CHD7: variants seen among roughly 807,000 people sequenced by gnomAD.
The protein encoded by CHD7 is ATP-dependent chromatin remodeler CHD7.
A neutral mutation model predicts 307.3 loss-of-function variants in CHD7; 24 were observed. The ratio of observed to expected loss-of-function variants is 0.08; its 90% CI spans 0.06 to 0.11. CHD7 has a LOEUF of 0.11. CHD7 is among the 10% of genes least tolerant of loss of function. CHD7 has a pLI of 1.00. For synonymous variants in CHD7, 1,363 were observed against 1,349.9 expected (o/e 1.01, Z -0.21); for missense variants, 3,106 against 3,727.1 (o/e 0.83, Z 4.34).
chr8:60,696,195 T>C (rs1341407633), intron 1 of CHD7, among the ~76,000 whole-genome samples: 1 of 152,252 alleles, frequency 6.6e-6, no homozygotes, highest in Non-Finnish European at 1.5e-5. Flanking sequence ...TACTTTTTAA[T>C]TTTTTAAATA....
At chr8:60,701,511 A>T (rs1350059853) in intron 1 of CHD7, among the ~76,000 whole-genome samples, 2 of 152,236 alleles carry the variant, frequency 1.3e-5, no homozygotes, top group Non-Finnish European at 2.9e-5. Flanking sequence ...CCTGAAGATT[A>T]ATTGTGGCCT....
chr8:60,856,777 T>G lies in CHD7; in HGVS notation c.7497T>G (p.Asn2499Lys). ...GCACACCCACAAGGCATCTCCTTAA[T>G]GGCTCCCTAGTGGATGGAGAGCCTC... ...LSRTPTRHLL[N>K]GSLVDGEPPM... The change falls in exon 34 of 38, where the codon AAT (asparagine) becomes AAG (lysine). Residue 2499 changes from asparagine to lysine, a missense_variant. By Grantham distance (94) the Asn-to-Lys change is moderately conservative. Coordinates refer to ENST00000423902, the MANE Select transcript of CHD7 (RefSeq NM_017780.4). 1 of 1,613,766 alleles carries G rather than the reference T, an allele frequency of 6.2e-7. No individual in the cohort carries two copies. Among genetic ancestry groups the G allele is most frequent in the Non-Finnish European group, 8.5e-7 (1 of 1,179,758 alleles).
chr8:60,793,495 A>G (rs1811873776), intron 3 of CHD7, among the ~76,000 whole-genome samples: 1 of 152,196 alleles, frequency 6.6e-6, no homozygotes, highest in Non-Finnish European at 1.5e-5. Context: ...TTGAAAAAAT[A>G]CATTTTAGGT....
intron 21 of CHD7, among the ~76,000 whole-genome samples, chr8:60,842,736 G>A (rs1805028130): frequency 6.6e-6 from 1 of 152,142 alleles, no homozygotes; most frequent in Non-Finnish European, 1.5e-5. Context: ...CAGATCTGAT[G>A]ACGTCCTGTC....
At position 60,867,150 on chromosome 8, in the gene CHD7, C is replaced by G. The variant is rs963926594; in HGVS notation, c.*1217C>G. 3.3e-5 allele frequency: 5 copies of G among 152,156 alleles called. No homozygotes were observed. The highest frequency in any genetic ancestry group is 1.3e-4 in the Admixed American group (2 of 15,278). The allele number at this position is 152,156 out of a possible 1,614,324, so 9.4% of individuals were successfully genotyped here. ...TGCATACAAAAAGCTCCTATTACTC[C>G]CTCAAAAGGGCATCTGAGACCGAGA... is the stretch of plus-strand genomic sequence containing the variant. On this transcript the variant is annotated 3_prime_UTR_variant, in exon 38 of 38. Coordinates refer to ENST00000423902, the MANE Select transcript of CHD7 (RefSeq NM_017780.4).
chr8:60,833,932 G>A (rs1367951214), intron 15 of CHD7, among the ~76,000 whole-genome samples: 1 of 152,176 alleles, frequency 6.6e-6, no homozygotes, highest in African/African-American at 2.4e-5. Flanking sequence ...TATAGGAAAG[G>A]TGTTTGCTGA....
intron 1 of CHD7, among the ~76,000 whole-genome samples, chr8:60,728,081 C>T (rs1393816248): frequency 6.6e-6 from 1 of 152,230 alleles, no homozygotes; most frequent in Admixed American, 6.5e-5. Context: ...CTTTCTCTTC[C>T]AGTCTGTGCT....
intron 1 of CHD7, among the ~76,000 whole-genome samples, chr8:60,697,705 A>G (rs1276338746): frequency 2.0e-5 from 3 of 152,268 alleles, no homozygotes; most frequent in African/African-American, 7.2e-5. Flanking sequence ...CTCAGTTTGC[A>G]GTCACCTGTA....
At chr8:60,711,491 A>G (rs1347712466) in intron 1 of CHD7, among the ~76,000 whole-genome samples, 3 of 152,212 alleles carry the variant, frequency 2.0e-5, no homozygotes, top group Non-Finnish European at 4.4e-5. Flanking sequence ...AATTCAAATA[A>G]TAATTAATAT....
chr8:60,739,055 A>G (rs730085), intron 1 of CHD7, among the ~76,000 whole-genome samples: 115,591 of 152,032 alleles, frequency 0.76, 44,340 homozygotes, highest in East Asian at 0.94. Context: ...GCTTGATCTG[A>G]CTCTGCCTCT....
chr8:60,699,179 C>G (rs905386233), intron 1 of CHD7, among the ~76,000 whole-genome samples: 4 of 152,166 alleles, frequency 2.6e-5, no homozygotes, highest in African/African-American at 9.7e-5. Context: ...TGGCAACTAC[C>G]TATAGAACAT....
rs770139962 is a variant in CHD7, at chr8:60,741,491, G to A, written c.59G>A (p.Gly20Asp). ...FGEDGNIFSEGLEGLGECGYP... is the reference protein window; with the variant it reads ...FGEDGNIFSEDLEGLGECGYP... ...GAGGATGGGAATATTTTCAGTGAAGGTCTTGAAGGCCTCGGAGAATGTGGT... is the reference window on the plus strand; with the variant it reads ...GAGGATGGGAATATTTTCAGTGAAGATCTTGAAGGCCTCGGAGAATGTGGT... Residue 20 changes from glycine (G) to aspartate (D), a missense_variant, in exon 2 of 38, where the codon GGT becomes GAT. By Grantham distance (94) the Gly-to-Asp change is moderately conservative (BLOSUM62 -1). This residue lies in a region of CHD7 where 998 missense variants were observed against 1,004.5 expected (regional missense o/e 0.99). Transcript: ENST00000423902. 2 of 1,612,634 alleles carry A rather than the reference G, an allele frequency of 1.2e-6. No individual in the cohort carries two copies. The highest frequency in any genetic ancestry group is 8.5e-7 in the Non-Finnish European group (1 of 1,179,288).
chr8:60,722,480 A>G (rs969764613), intron 1 of CHD7, among the ~76,000 whole-genome samples: 3 of 152,214 alleles, frequency 2.0e-5, no homozygotes, highest in Admixed American at 1.3e-4. Flanking sequence ...TAAGGTTGCA[A>G]ATCATTTAGA....
chr8:60,759,607 G>A (rs528118697), intron 2 of CHD7, among the ~76,000 whole-genome samples: 2 of 152,032 alleles, frequency 1.3e-5, no homozygotes, highest in South Asian at 2.1e-4. Context: ...CTGGTACTCC[G>A]TAATTGAGAG....
At chr8:60,751,782 T>G (rs928797842) in intron 2 of CHD7, among the ~76,000 whole-genome samples, 7 of 152,222 alleles carry the variant, frequency 4.6e-5, no homozygotes, top group Non-Finnish European at 8.8e-5. Context: ...GGTGGAGGGC[T>G]AGGACATGAT....
chr8:60,839,507 T>TAA (rs1396692781), intron 19 of CHD7, among the ~76,000 whole-genome samples: 1 of 152,202 alleles, frequency 6.6e-6, no homozygotes, highest in Non-Finnish European at 1.5e-5. Context: ...ACTGCCAGAC[T>TAA]GTTTTGTAAA....
rs1811198658 is a variant in CHD7 at position 60,781,082 on chromosome 8, G to A, written c.1748G>A (p.Ser583Asn). The change falls in exon 3 of 38, where the codon AGT (serine) becomes AAT (asparagine). Residue 583 changes from serine to asparagine, a missense_variant. By Grantham distance (46) the Ser-to-Asn change is conservative. Coordinates refer to ENST00000423902, the MANE Select transcript of CHD7 (RefSeq NM_017780.4). ...VSGPNAQLVK[S>N]DDYLPSIEQQ... Reference sequence around the variant, plus strand: ...GGACCGAATGCTCAGCTAGTGAAGAGTGATGATTACCTGCCATCAATAGAA... The same window carrying A: ...GGACCGAATGCTCAGCTAGTGAAGAATGATGATTACCTGCCATCAATAGAA... 6.2e-7 allele frequency: 1 copy of A among 1,611,456 alleles called. No individual in the cohort carries two copies. Among genetic ancestry groups the A allele is most frequent in the Non-Finnish European group, 8.5e-7 (1 of 1,178,908 alleles).
intron 1 of CHD7, among the ~76,000 whole-genome samples, chr8:60,717,230 G>C (rs1366744872): frequency 1.3e-5 from 2 of 152,174 alleles, no homozygotes; most frequent in African/African-American, 4.8e-5. Flanking sequence ...TGGAATTATA[G>C]TGATTTGCTT....
intron 1 of CHD7, among the ~76,000 whole-genome samples, chr8:60,729,481 AG>A (rs1459592850): frequency 6.6e-6 from 1 of 152,192 alleles, no homozygotes; most frequent in African/African-American, 2.4e-5. Context: ...GTATGATGCA[AG>A]TATTATCCCT....
Sources: gnomAD v4.1 joint callset for allele counts (sites outside exome capture counted in the v4.1 genomes callset) on GRCh38, gnomAD v4.1.1 for gene constraint, gnomAD v4.1.1 regional missense constraint, MANE v1.5 for transcripts, NCBI Gene and HGNC (gene_info 2026-07-23, HGNC 2026-07-21) for gene names.